The following PFDN1 variants were observed in gnomAD, a reference collection of about 807,000 sequenced individuals.
PFDN1 encodes the protein prefoldin 1.
A neutral mutation model predicts 17.3 loss-of-function variants in PFDN1; 6 were observed. The ratio of observed to expected loss-of-function variants is 0.35; its 90% CI spans 0.19 to 0.69. The LOEUF (loss-of-function observed/expected upper bound fraction) is 0.69. Among genes scored for constraint, PFDN1 ranks in the 30% least tolerant of loss-of-function variants. The pLI, the probability that PFDN1 is intolerant of heterozygous loss-of-function variation, is 0.65. For missense variants in PFDN1, 113 were observed against 146.2 expected (o/e 0.77, Z 1.17); for synonymous variants, 58 against 50.1 (o/e 1.16, Z -0.67).
intron 3 of PFDN1, among the ~76,000 whole-genome samples, chr5:140,270,794 C>T (rs564340720): frequency 3.3e-5 from 5 of 151,856 alleles, no homozygotes; most frequent in African/African-American, 1.2e-4. Context: ...GGCGTGGTGG[C>T]GGGCGCCTGT....
intron 2 of PFDN1, among the ~76,000 whole-genome samples, chr5:140,283,420 A>C (rs1371994893): frequency 6.6e-6 from 1 of 152,126 alleles, no homozygotes; most frequent in Non-Finnish European, 1.5e-5. Context: ...TTTTTAGTAG[A>C]GACAGGGTTT....
At chr5:140,265,806 A>G (rs1248806847) in intron 3 of PFDN1, 1 of 152,244 alleles carries the variant, frequency 6.6e-6, no homozygotes, top group Admixed American at 6.5e-5. Context: ...ATTGGGACTT[A>G]GAACAGCTAC....
chr5:140,248,417 C>T (rs1295411001), intron 3 of PFDN1, among the ~76,000 whole-genome samples: 1 of 147,612 alleles, frequency 6.8e-6, no homozygotes, highest in East Asian at 2.0e-4. Flanking sequence ...AAGGCAAATA[C>T]TAGTAAGCCC....
At chr5:140,290,046 T>C (rs1223637289) in intron 2 of PFDN1, among the ~76,000 whole-genome samples, 1 of 152,226 alleles carries the variant, frequency 6.6e-6, no homozygotes, top group African/African-American at 2.4e-5. Flanking sequence ...CCCTCAGTTA[T>C]TGATCACTAT....
chr5:140,267,226 A>C (rs2126684168), intron 3 of PFDN1, among the ~76,000 whole-genome samples: 1 of 152,352 alleles, frequency 6.6e-6, no homozygotes, highest in South Asian at 2.1e-4. Context: ...TTATCAAACC[A>C]CCTGACTCTG....
At chr5:140,250,992 T>C (rs775617292) in intron 3 of PFDN1, among the ~76,000 whole-genome samples, 31 of 152,300 alleles carry the variant, frequency 2.0e-4, no homozygotes, top group Admixed American at 3.9e-4. Context: ...TAGAGTGCAA[T>C]GGCATGATCT....
In PFDN1 at chr5:140,300,473, T is replaced by A. The variant is rs1482966706; in HGVS notation, c.143A>T (p.Asp48Val). 6.2e-7 allele frequency: 1 copy of A among 1,611,376 alleles called. No individual in the cohort carries two copies. The change falls in exon 2 of 4, where the codon GAT (aspartate) becomes GTT (valine). Residue 48 changes from aspartate (D) to valine (V), a missense_variant. Physicochemically the swap from Asp to Val is radical, Grantham distance 152. Coordinates refer to ENST00000261813, the MANE Select transcript of PFDN1 (RefSeq NM_002622.5). ...ATCTACCAAAGTCATGATCTCTGTA[T>A]CTGTAAGATGTGCATGCTTTTTCGT... ...NRTKKHAHLT[D>V]TEIMTLVDET...
chr5:140,246,176 T>C, intron 3 of PFDN1, 119 bp from the exon 4 acceptor site: 3 of 694,512 alleles, frequency 4.3e-6, no homozygotes, highest in Non-Finnish European at 7.8e-6. Flanking sequence ...TTCAGGAGTA[T>C]ACTGCAAGCC....
chr5:140,262,276 ATCC>A (rs1172483980), intron 3 of PFDN1, among the ~76,000 whole-genome samples: 1 of 152,220 alleles, frequency 6.6e-6, no homozygotes, highest in Non-Finnish European at 1.5e-5. Context: ...TACTCAGAGT[ATCC>A]AACTACAGCA....
chr5:140,258,460 A>T (rs1225590648), intron 3 of PFDN1, among the ~76,000 whole-genome samples: 1 of 142,582 alleles, frequency 7.0e-6, no homozygotes, highest in Non-Finnish European at 1.5e-5. Flanking sequence ...AAAAAAAAAA[A>T]GCCTGGGAAG....
intron 3 of PFDN1, 27 bp downstream of exon 3, chr5:140,281,422 T>TAACTCCTATTGCCAATAAA (rs781737117): frequency 1.0e-6 from 1 of 976,644 alleles, no homozygotes; most frequent in Non-Finnish European, 1.7e-6. Flanking sequence ...TCCCAAAAGT[T>TAACTCCTATTGCCAATAAA]AACTCCTATT....
intron 3 of PFDN1, among the ~76,000 whole-genome samples, chr5:140,255,821 C>T (rs1282542809): frequency 1.3e-5 from 2 of 152,184 alleles, no homozygotes; most frequent in Non-Finnish European, 2.9e-5. Flanking sequence ...CTTTACCTCT[C>T]AGTCCCCTGA....
intron 3 of PFDN1, among the ~76,000 whole-genome samples, chr5:140,260,355 G>C (rs931742073): frequency 2.0e-5 from 3 of 147,568 alleles, no homozygotes; most frequent in Non-Finnish European, 4.5e-5. Flanking sequence ...ATATGAGCCA[G>C]CTAATCCACT....
intron 3 of PFDN1, among the ~76,000 whole-genome samples, chr5:140,271,866 G>T (rs1023514421): frequency 6.6e-6 from 1 of 151,254 alleles, no homozygotes; most frequent in African/African-American, 2.4e-5. Context: ...AAAAAATAGT[G>T]ATTTTGTTCA....
chr5:140,247,312 A>G (rs2126676793), intron 3 of PFDN1, among the ~76,000 whole-genome samples: 1 of 151,432 alleles, frequency 6.6e-6, no homozygotes, highest in South Asian at 2.1e-4. Context: ...TTTTTGTAGA[A>G]ATGAGAAACT....
At chr5:140,276,956 A>C (rs1192245391) in intron 3 of PFDN1, among the ~76,000 whole-genome samples, 7 of 152,038 alleles carry the variant, frequency 4.6e-5, no homozygotes, top group African/African-American at 1.7e-4. Flanking sequence ...TGGCTCACTC[A>C]CACCTATAAT....
At chr5:140,271,230 T>C (rs575433950) in intron 3 of PFDN1, among the ~76,000 whole-genome samples, 2 of 152,338 alleles carry the variant, frequency 1.3e-5, no homozygotes, top group African/African-American at 2.4e-5. Flanking sequence ...ACTATATATA[T>C]AGTTCATGAT....
Position 140,245,831 on chromosome 5 carries a change from G to A in PFDN1, c.*143C>T. The A allele has an allele frequency of 1.5e-6, 1 of 647,932 alleles. No homozygotes were observed. The highest frequency in any genetic ancestry group is 1.8e-5 in the South Asian group (1 of 57,104). The allele number at this position is 647,932 out of a possible 1,614,324, so 40.1% of individuals were successfully genotyped here. On this transcript the variant is annotated 3_prime_UTR_variant, in exon 4 of 4. Transcript: ENST00000261813. ...AGGGCTGGGAAGCAAATGGGGCTCA[G>A]GGTGATGCAGAAAATGTGATGTTGC...
intron 2 of PFDN1, among the ~76,000 whole-genome samples, chr5:140,285,753 T>C (rs1378743379): frequency 2.0e-5 from 3 of 152,042 alleles, no homozygotes; most frequent in Non-Finnish European, 4.4e-5. Context: ...AAGACAGCAG[T>C]AAATTGGCTT....
Sources: gnomAD v4.1 joint callset for allele counts (sites outside exome capture counted in the v4.1 genomes callset) on GRCh38, gnomAD v4.1.1 for gene constraint, MANE v1.5 for transcripts, NCBI Gene and HGNC (gene_info 2026-07-23, HGNC 2026-07-21) for gene names.